Variants in PTPN23 observed in about 807,000 individuals in gnomAD.
The protein encoded by PTPN23 is protein tyrosine phosphatase non-receptor type 23, also known as tyrosine-protein phosphatase non-receptor type 23.
Under a neutral mutation model 156.3 loss-of-function variants are expected in PTPN23, and 72 were observed. The ratio of observed to expected loss-of-function variants is 0.46; its 90% CI spans 0.38 to 0.56. The LOEUF (loss-of-function observed/expected upper bound fraction) is 0.56, where lower values mean the gene tolerates loss of function less well. PTPN23 is among the 20% of genes least tolerant of loss of function. The pLI is 0.00. For synonymous variants in PTPN23, 957 were observed against 899.6 expected (o/e 1.06, Z -1.14); for missense variants, 1,974 against 2,171.5 (o/e 0.91, Z 1.81).
chr3:47,413,318 G>A lies in PTPN23; in HGVS notation c.*133G>A. The A allele has an allele frequency of 7.7e-7, 1 of 1,296,384 alleles. No homozygotes were observed. The highest frequency in any genetic ancestry group is 1.4e-5 in the South Asian group (1 of 69,970). 80.3% of individuals were successfully genotyped at this position (1,296,384 alleles called of 1,614,324 possible). On this transcript the variant is annotated 3_prime_UTR_variant, in exon 25 of 25. Coordinates refer to ENST00000265562, the MANE Select transcript of PTPN23 (RefSeq NM_015466.4). ...GCTGCCTTTGGCCCTGCCTGGCCCA[G>A]CCTGCACCCCTGTGGGGTGGAAATG...
In PTPN23 at chr3:47,405,403, GGA is replaced by G; in HGVS notation, c.364+326_364+327del. ...TGGTTTTGGGCTGCTTCAGGCAGGA[GGA>G]GAGTGTGGCTGGCCTCAGCTTACCC... is the stretch of plus-strand genomic sequence containing the variant. On this transcript the variant is annotated intron_variant, in intron 4 of 24. Coordinates refer to ENST00000265562, the MANE Select transcript of PTPN23 (RefSeq NM_015466.4). The surrounding 1 kb of genome is among the most constrained non-coding windows in gnomAD (Gnocchi z 4.7). 5 of 534,798 alleles carry G rather than the reference GGA, an allele frequency of 9.3e-6. No homozygotes were observed. The highest frequency in any genetic ancestry group is 1.7e-5 in the Non-Finnish European group (5 of 297,274). The allele number at this position is 534,798 out of a possible 1,614,324, so 33.1% of individuals were successfully genotyped here. A position where few individuals can be genotyped will look rare whatever the true frequency, so the allele number is the denominator to read the frequency against.
chr3:47,400,870 G>A (rs543728935), intron 2 of PTPN23, among the ~76,000 whole-genome samples: 146 of 151,780 alleles, frequency 9.6e-4, no homozygotes, highest in Admixed American at 2.6e-3. Flanking sequence ...CACAGCACCC[G>A]GCTTTTATTT....
intron 14 of PTPN23, 114 bp from the exon 15 acceptor site, chr3:47,408,231 T>C: frequency 6.9e-7 from 1 of 1,439,068 alleles, no homozygotes; most frequent in Non-Finnish European, 9.5e-7. Context: ...AGGTCACAAT[T>C]TGCTCTCTGC....
intron 1 of PTPN23, among the ~76,000 whole-genome samples, chr3:47,381,772 G>A (rs757542715): frequency 1.3e-5 from 2 of 152,188 alleles, no homozygotes; most frequent in African/African-American, 4.8e-5. Context: ...ACAATCCCAC[G>A]ACATTTTTAG....
chr3:47,412,834 GCCAGGCCCTGCAGAGCCC>G lies in PTPN23; in HGVS notation c.4568_4585del (p.Pro1523_Gly1528del), dbSNP rs1348509047. 2 of 1,613,254 alleles carry G rather than the reference GCCAGGCCCTGCAGAGCCC, an allele frequency of 1.2e-6. No homozygotes were observed. Among genetic ancestry groups the G allele is most frequent in the Non-Finnish European group, 1.7e-6 (2 of 1,179,886 alleles). On this transcript the variant is annotated inframe_deletion, in exon 25 of 25. Coordinates refer to ENST00000265562, the MANE Select transcript of PTPN23 (RefSeq NM_015466.4). ...GGTTGGAGTCCCCGGTTGCCAGCTT[GCCAGGCCCTGCAGAGCCC>G]CCAGGCCTCCCGCCAGCCAGCCTCC...
Position 47,410,474 on chromosome 3 carries a change from C to T in PTPN23, c.2676C>T (p.Pro892=), listed in dbSNP as rs1419853086. 2.1e-5 allele frequency: 34 copies of T among 1,609,678 alleles called. No individual in the cohort carries two copies. Among genetic ancestry groups the T allele is most frequent in the Non-Finnish European group, 2.7e-5 (32 of 1,178,242 alleles). The part of the protein sequence containing the change: ...TTVDSIQAPI[P]SHTAPRPNPT... ...TAGATAGCATCCAGGCGCCCATCCC[C>T]AGCCACACAGCCCCACGGCCAAACC... The change falls in exon 20 of 25, where the codon CCC becomes CCT. Residue 892 remains proline, a synonymous_variant. Coordinates refer to ENST00000265562, the MANE Select transcript of PTPN23 (RefSeq NM_015466.4).
rs747260358 is a variant in PTPN23, at chr3:47,410,554, C to T, written c.2756C>T (p.Pro919Leu). 4 of 1,611,988 alleles carry T rather than the reference C, an allele frequency of 2.5e-6. No homozygotes were observed. The African/African-American group carries it at 5.4e-5, about 22-fold the overall frequency. Residue 919 changes from proline (P) to leucine (L), a missense_variant, in exon 20 of 25, where the codon CCC becomes CTC. Pro to Leu is a moderately conservative substitution (Grantham distance 98). Transcript: ENST00000265562. ...CCTGTGCCCCCACCGCAGCCACTGCCCACGCCTTACACCTACCCTGCAGGG... is the reference window on the plus strand; with the variant it reads ...CCTGTGCCCCCACCGCAGCCACTGCTCACGCCTTACACCTACCCTGCAGGG... The part of the protein sequence containing the change: ...CFPVPPPQPL[P>L]TPYTYPAGAK...
In PTPN23 at chr3:47,396,139, G is replaced by T. The variant is rs772544594; in HGVS notation, c.85-4G>T. Reference sequence around the variant, plus strand: ...CACTGGCTTATGTTCTTCTCTCTCTGTAGTTTGTCCTGAAGAATTATGGAG... The same window carrying T: ...CACTGGCTTATGTTCTTCTCTCTCTTTAGTTTGTCCTGAAGAATTATGGAG... On this transcript the variant is annotated splice_polypyrimidine_tract_variant and splice_region_variant and intron_variant, in intron 1 of 24. Transcript: ENST00000265562. 1.2e-6 allele frequency: 2 copies of T among 1,610,802 alleles called. No individual in the cohort carries two copies. Among genetic ancestry groups the T allele is most frequent in the African/African-American group, 2.7e-5 (2 of 74,718 alleles).
In PTPN23 at chr3:47,409,195, A is replaced by C; in HGVS notation, c.1675A>C (p.Ile559Leu). 1 of 1,614,176 alleles carries C rather than the reference A, an allele frequency of 6.2e-7. No individual in the cohort carries two copies. The highest frequency in any genetic ancestry group is 2.2e-5 in the East Asian group (1 of 44,882). ...DKAVLQNLKR[I>L]LAKVQEMRDQ... ...GGCCGTGCTGCAAAACCTAAAGCGC[A>C]TCCTGGCTAAGGTGCAGGAGATGCG... The change falls in exon 17 of 25, where the codon ATC becomes CTC. Residue 559 changes from isoleucine (I) to leucine (L), a missense_variant. Physicochemically the swap from Ile to Leu is conservative, Grantham distance 5. This residue lies in a region of PTPN23 where 726 missense variants were observed against 929.5 expected (regional missense o/e 0.78). Coordinates refer to ENST00000265562, the MANE Select transcript of PTPN23 (RefSeq NM_015466.4).
At chr3:47,384,782 G>A (rs1172264118) in intron 1 of PTPN23, among the ~76,000 whole-genome samples, 1 of 149,944 alleles carries the variant, frequency 6.7e-6, no homozygotes, top group Non-Finnish European at 1.5e-5. Context: ...TTTTTTTTTA[G>A]ATGGAGTTTT....
At position 47,405,690 on chromosome 3, in the gene PTPN23, TCA is replaced by T; in HGVS notation, c.365-57_365-56del. 6.5e-7 allele frequency: 1 copy of T among 1,543,098 alleles called. No individual in the cohort carries two copies. Among genetic ancestry groups the T allele is most frequent in the Non-Finnish European group, 8.8e-7 (1 of 1,134,518 alleles). On this transcript the variant is annotated intron_variant, in intron 4 of 24. Coordinates refer to ENST00000265562, the MANE Select transcript of PTPN23 (RefSeq NM_015466.4). This position sits in a 1 kb window ranked among gnomAD's most constrained non-coding sequence, Gnocchi z 4.7. ...GGATAACAGCAGTGCCCCCTCTGTCTCACCTTCACATGGGTGTGAGCAGCCCC... is the reference window on the plus strand; with the variant it reads ...GGATAACAGCAGTGCCCCCTCTGTCTCCTTCACATGGGTGTGAGCAGCCCC...
rs1329289698 is a variant in PTPN23 at position 47,405,840 on chromosome 3, G to A, written c.414+42G>A. ...TAGTGGAACATGTGGACATACCAGG[G>A]AGGGGCAGCCTCCCAAGTATGGATG... On this transcript the variant is annotated intron_variant, in intron 5 of 24. Transcript: ENST00000265562. This position sits in a 1 kb window ranked among gnomAD's most constrained non-coding sequence, Gnocchi z 4.7. 2 of 1,591,260 alleles carry A rather than the reference G, an allele frequency of 1.3e-6. No individual in the cohort carries two copies. Among genetic ancestry groups the A allele is most frequent in the Non-Finnish European group, 1.7e-6 (2 of 1,167,314 alleles).
In PTPN23 at chr3:47,411,635, G is replaced by A. The variant is rs373138674; in HGVS notation, c.3837G>A (p.Glu1279=). The A allele has an allele frequency of 4.7e-5, 76 of 1,610,736 alleles. No individual in the cohort carries two copies. Among genetic ancestry groups the A allele is most frequent in the Non-Finnish European group, 6.0e-5 (71 of 1,178,888 alleles). ...TAADFWLMVH[E]QKVSVIVMLV... ...CTGACTTCTGGCTCATGGTCCATGAGCAGAAAGTGTCAGTCATTGTCATGC... is the reference window on the plus strand; with the variant it reads ...CTGACTTCTGGCTCATGGTCCATGAACAGAAAGTGTCAGTCATTGTCATGC... Residue 1279 remains glutamate, a synonymous_variant, in exon 20 of 25, where the codon GAG becomes GAA. Transcript: ENST00000265562. This position sits in a 1 kb window ranked among gnomAD's most constrained non-coding sequence, Gnocchi z 6.3.
chr3:47,406,766 G>A lies in PTPN23; in HGVS notation c.807+16G>A, dbSNP rs1373275512. The A allele has an allele frequency of 1.2e-6, 2 of 1,613,276 alleles. No individual in the cohort carries two copies. Among genetic ancestry groups the A allele is most frequent in the East Asian group, 4.5e-5 (2 of 44,880 alleles). ...CGGGGAGCGGGTGAGCTACAGCGAG[G>A]AGGGGACTGGGGACCAATGGCAGCC... On this transcript the variant is annotated intron_variant, in intron 9 of 24. Transcript: ENST00000265562. This position sits in a 1 kb window ranked among gnomAD's most constrained non-coding sequence, Gnocchi z 5.8.
chr3:47,411,233 G>A lies in PTPN23; in HGVS notation c.3435G>A (p.Lys1145=), dbSNP rs774611229. 1.2e-6 allele frequency: 2 copies of A among 1,607,524 alleles called. No individual in the cohort carries two copies. The highest frequency in any genetic ancestry group is 1.7e-5 in the Admixed American group (1 of 59,882). The change falls in exon 20 of 25, where the codon AAG becomes AAA. Residue 1145 remains lysine, a synonymous_variant. Coordinates refer to ENST00000265562, the MANE Select transcript of PTPN23 (RefSeq NM_015466.4). The surrounding 1 kb of genome is among the most constrained non-coding windows in gnomAD (Gnocchi z 6.3). ...GGCAGCCCCTGCTGCAGCCCACCAA[G>A]GTGGATGCAGCTGAGGGTCGTCGGC... is the stretch of plus-strand genomic sequence containing the variant. ...GGGQPLLQPT[K]VDAAEGRRPQ... is the part of the protein sequence containing the mutation.
In PTPN23 at chr3:47,411,115, C is replaced by T. The variant is rs781612646; in HGVS notation, c.3317C>T (p.Pro1106Leu). The change falls in exon 20 of 25, where the codon CCA (proline) becomes CTA (leucine). Residue 1106 changes from proline to leucine, a missense_variant. Physicochemically the swap from Pro to Leu is moderately conservative, Grantham distance 98 (BLOSUM62 -3). This residue lies in a region of PTPN23 where 731 missense variants were observed against 669.1 expected (regional missense o/e 1.09). Transcript: ENST00000265562. This position sits in a 1 kb window ranked among gnomAD's most constrained non-coding sequence, Gnocchi z 6.3. ...PVPPRPPAAE[P>L]PPCLRRGAAA... ...CCCCCTCGCCCCCCAGCAGCAGAAC[C>T]ACCCCCTTGCCTGCGCCGAGGCGCC... 1.0e-5 allele frequency: 16 copies of T among 1,603,692 alleles called. No homozygotes were observed. Among genetic ancestry groups the T allele is most frequent in the South Asian group, 7.8e-5 (7 of 89,706 alleles).
At chr3:47,398,468 C>T (rs577755855) in intron 2 of PTPN23, among the ~76,000 whole-genome samples, 2 of 152,202 alleles carry the variant, frequency 1.3e-5, no homozygotes, top group East Asian at 1.9e-4. Flanking sequence ...ATATCAGATT[C>T]TCCCCCTTCC....
chr3:47,399,908 G>A (rs1196559170), intron 2 of PTPN23, among the ~76,000 whole-genome samples: 1 of 152,110 alleles, frequency 6.6e-6, no homozygotes, highest in African/African-American at 2.4e-5. Flanking sequence ...TCTGCCTCCT[G>A]GATTCAAGCG....
rs148796973 is a variant in PTPN23 at position 47,408,990 on chromosome 3, G to A, written c.1545G>A (p.Leu515=). 14 of 1,614,044 alleles carry A rather than the reference G, an allele frequency of 8.7e-6. No homozygotes were observed. Among genetic ancestry groups the A allele is most frequent in the South Asian group, 2.2e-5 (2 of 91,092 alleles). ...AGGCCTCCTTCACCAACAGTGAGCTGCACCGTGCCATGAACCTGCACGTCG... is the reference window on the plus strand; with the variant it reads ...AGGCCTCCTTCACCAACAGTGAGCTACACCGTGCCATGAACCTGCACGTCG... ...HEKASFTNSE[L]HRAMNLHVGN... Residue 515 remains leucine, a synonymous_variant, in exon 16 of 25, where the codon CTG becomes CTA. Coordinates refer to ENST00000265562, the MANE Select transcript of PTPN23 (RefSeq NM_015466.4).
Sources: allele counts gnomAD v4.1 joint callset (sites outside exome capture counted in the v4.1 genomes callset), GRCh38; gene constraint gnomAD v4.1.1; regional missense constraint gnomAD v4.1.1; non-coding constraint Gnocchi (gnomAD v3.1); transcripts MANE v1.5; gene names NCBI Gene and HGNC (gene_info 2026-07-23, HGNC 2026-07-21).